SLC25A4: variants seen among roughly 807,000 people sequenced by gnomAD.
SLC25A4 encodes the protein ADP/ATP translocase 1.
SLC25A4 carries 10 observed loss-of-function variants against 24.7 expected under a neutral mutation model. That is an observed-to-expected ratio of 0.41 (90% CI 0.25 to 0.69). SLC25A4 has a LOEUF of 0.69. Ranked by LOEUF, SLC25A4 falls within the 30% of genes least tolerant of loss-of-function variation. The pLI is 0.35. For missense variants in SLC25A4, 273 were observed against 387.6 expected, an observed-to-expected ratio of 0.70 and a Z score of 2.48; for synonymous variants, 125 against 153.3, an observed-to-expected ratio of 0.82 and a Z score of 1.36.
chr4:185,143,297 G>T lies in SLC25A4; in HGVS notation c.-76G>T, dbSNP rs2111283706. 2 of 837,692 alleles carry T rather than the reference G, an allele frequency of 2.4e-6. No individual in the cohort carries two copies. The highest frequency in any genetic ancestry group is 2.5e-4 in the Middle Eastern group (1 of 3,966). The allele number at this position is 837,692 out of a possible 1,614,324, so 51.9% of individuals were successfully genotyped here. A position where few individuals can be genotyped will look rare whatever the true frequency, so the allele number is the denominator to read the frequency against. On this transcript the variant is annotated 5_prime_UTR_variant, in exon 1 of 4. Transcript: ENST00000281456. Reference sequence around the variant, plus strand: ...CTAGCGTCGCGCAGGGTCGGGGACTGCGCGGCGGTGCCAGGCCGGGCGTGG... The same window carrying T: ...CTAGCGTCGCGCAGGGTCGGGGACTTCGCGGCGGTGCCAGGCCGGGCGTGG...
rs1160015603 is a variant in SLC25A4, at chr4:185,145,891, G to A, written c.731G>A (p.Arg244Gln). Residue 244 changes from arginine (R) to glutamine (Q), a missense_variant, in exon 3 of 4, where the codon CGG becomes CAG. Physicochemically the swap from Arg to Gln is conservative, Grantham distance 43 (BLOSUM62 1). Coordinates refer to ENST00000281456, the MANE Select transcript of SLC25A4 (RefSeq NM_001151.4). This position sits in a 1 kb window ranked among gnomAD's most constrained non-coding sequence, Gnocchi z 5.5. The stretch of plus-strand genomic sequence containing the variant: ...CGTAGAATGATGATGCAGTCCGGCC[G>A]GAAAGGGGGTAAGCTTGTGCTCTAC... ...VRRRMMMQSGRKGADIMYTGT... is the reference protein window; with the variant it reads ...VRRRMMMQSGQKGADIMYTGT... 1.2e-5 allele frequency: 20 copies of A among 1,613,968 alleles called. No individual in the cohort carries two copies. Among genetic ancestry groups the A allele is most frequent in the Non-Finnish European group, 1.6e-5 (19 of 1,180,012 alleles).
rs982562599 is a variant in SLC25A4 at position 185,149,912 on chromosome 4, A to C, written c.*2941A>C. 1 of 152,244 alleles carries C rather than the reference A, an allele frequency of 6.6e-6. No homozygotes were observed. The highest frequency in any genetic ancestry group is 2.1e-4 in the South Asian group (1 of 4,834). The allele number at this position is 152,244 out of a possible 1,614,324, so 9.4% of individuals were successfully genotyped here. On this transcript the variant is annotated 3_prime_UTR_variant, in exon 4 of 4. Transcript: ENST00000281456. ...ATGATGCAAGATGAGTGAGTCCATA[A>C]TGGTAATAATTGGACACTAAAAACA...
chr4:185,145,613 G>A lies in SLC25A4; in HGVS notation c.599-146G>A, dbSNP rs1300559440. On this transcript the variant is annotated intron_variant, in intron 2 of 3. Coordinates refer to ENST00000281456, the MANE Select transcript of SLC25A4 (RefSeq NM_001151.4). The surrounding 1 kb of genome is among the most constrained non-coding windows in gnomAD (Gnocchi z 5.5). ...CAGCAGCCACCTTTGCTGTCTGCCT[G>A]GTCATATGTGAAGCACCTGCACAGG... 1.0e-5 allele frequency: 10 copies of A among 976,964 alleles called. No homozygotes were observed. The highest frequency in any genetic ancestry group is 1.5e-5 in the Non-Finnish European group (10 of 654,060). The allele number at this position is 976,964 out of a possible 1,614,324, so 60.5% of individuals were successfully genotyped here.
intron 3 of SLC25A4, 138 bp downstream of exon 3, chr4:185,146,037 T>A: frequency 2.0e-6 from 2 of 1,012,034 alleles, no homozygotes; most frequent in Non-Finnish European, 3.0e-6. Context: ...AAGATGGTAT[T>A]AATTCCCCCT....
chr4:185,144,651 C>T (rs1734404601), intron 1 of SLC25A4, 113 bp from the exon 2 acceptor site: 1 of 972,102 alleles, frequency 1.0e-6, no homozygotes, highest in South Asian at 1.4e-5. Flanking sequence ...ATTTCCTCAT[C>T]CTTTTTTTCT....
At chr4:185,146,408 G>A (rs1734443878) in intron 3 of SLC25A4, among the ~76,000 whole-genome samples, 1 of 152,198 alleles carries the variant, frequency 6.6e-6, no homozygotes, top group African/African-American at 2.4e-5. Flanking sequence ...AGTTTCGTAT[G>A]TTTCAACGAA....
intron 1 of SLC25A4, 84 bp downstream of exon 1, chr4:185,143,567 G>T: frequency 2.6e-6 from 1 of 388,892 alleles, no homozygotes; most frequent in African/African-American, 2.2e-5. Context: ...GCAGGGCGCG[G>T]GGCGCCGCGG....
At position 185,143,424 on chromosome 4, in the gene SLC25A4, G is replaced by T. The variant is rs1343441847; in HGVS notation, c.52G>T (p.Ala18Ser). 6.6e-7 allele frequency: 1 copy of T among 1,523,970 alleles called. No homozygotes were observed. Among genetic ancestry groups the T allele is most frequent in the Non-Finnish European group, 8.8e-7 (1 of 1,133,072 alleles). 94.4% of individuals were successfully genotyped at this position (1,523,970 alleles called of 1,614,324 possible). A position where few individuals can be genotyped will look rare whatever the true frequency, so the allele number is the denominator to read the frequency against. ...FLKDFLAGGVAAAVSKTAVAP... is the reference protein window; with the variant it reads ...FLKDFLAGGVSAAVSKTAVAP... ...AAAGGACTTCCTGGCCGGGGGCGTC[G>T]CCGCTGCCGTCTCCAAGACCGCGGT... Residue 18 changes from alanine to serine, a missense_variant, in exon 1 of 4, where the codon GCC becomes TCC. Physicochemically the swap from Ala to Ser is moderately conservative, Grantham distance 99. Coordinates refer to ENST00000281456, the MANE Select transcript of SLC25A4 (RefSeq NM_001151.4).
chr4:185,145,726 C>T lies in SLC25A4; in HGVS notation c.599-33C>T, dbSNP rs373060742. 3.1e-6 allele frequency: 5 copies of T among 1,613,840 alleles called. No individual in the cohort carries two copies. The African/African-American group carries it at 6.7e-5, about 22-fold the overall frequency. ...TGCTTTCTGCTGAGAACAGGCACTT[C>T]ATAGCCGTTCGGCTTCTGGGCTCTG... is the stretch of plus-strand genomic sequence containing the variant. On this transcript the variant is annotated intron_variant, in intron 2 of 3. Transcript: ENST00000281456. This position sits in a 1 kb window ranked among gnomAD's most constrained non-coding sequence, Gnocchi z 5.5.
In SLC25A4 at chr4:185,147,396, T is replaced by C. The variant is rs1345254463; in HGVS notation, c.*425T>C. ...AAGCTTCTAAATGCCAGATATTATA[T>C]TGAGAATGTATTATATGAGAACGTA... On this transcript the variant is annotated 3_prime_UTR_variant, in exon 4 of 4. Transcript: ENST00000281456. The C allele has an allele frequency of 1.9e-5, 4 of 206,652 alleles. No homozygotes were observed. Among genetic ancestry groups the C allele is most frequent in the East Asian group, 1.2e-4 (1 of 8,118 alleles). The allele number at this position is 206,652 out of a possible 1,614,324, so 12.8% of individuals were successfully genotyped here.
rs1369557463 is a variant in SLC25A4, at chr4:185,149,975, AT to A, written c.*3006del. The A allele has an allele frequency of 6.6e-6, 1 of 152,270 alleles. No homozygotes were observed. The allele number at this position is 152,270 out of a possible 1,614,324, so 9.4% of individuals were successfully genotyped here. On this transcript the variant is annotated 3_prime_UTR_variant, in exon 4 of 4. Transcript: ENST00000281456. ...CTCAAGTATTTGTGTTGAAATCTCA[AT>A]TAACTGGGCGACTGCTCCCGTTCCA...
chr4:185,147,241 T>A lies in SLC25A4; in HGVS notation c.*270T>A. ...AACTGAAGAATTGATAATAACTGAA[T>A]GTGAAACATCAATAAAGACCACTTA... On this transcript the variant is annotated 3_prime_UTR_variant, in exon 4 of 4. Transcript: ENST00000281456. The A allele has an allele frequency of 2.6e-6, 1 of 381,986 alleles. No homozygotes were observed. Among genetic ancestry groups the A allele is most frequent in the Non-Finnish European group, 4.8e-6 (1 of 209,750 alleles). 23.7% of individuals were successfully genotyped at this position (381,986 alleles called of 1,614,324 possible).
chr4:185,143,589 C>A, intron 1 of SLC25A4, 106 bp downstream of exon 1: 1 of 235,150 alleles, frequency 4.3e-6, no homozygotes, highest in Non-Finnish European at 6.9e-6. Flanking sequence ...AAATCTGCGC[C>A]AGGCCACAGG....
intron 1 of SLC25A4, 129 bp from the exon 2 acceptor site, chr4:185,144,635 C>T: frequency 1.2e-6 from 1 of 814,908 alleles, no homozygotes; most frequent in South Asian, 1.5e-5. Context: ...CCTCAGTATC[C>T]ATTTGATTTC....
chr4:185,145,282 G>A lies in SLC25A4; in HGVS notation c.598+32G>A. The A allele has an allele frequency of 6.2e-7, 1 of 1,613,194 alleles. No individual in the cohort carries two copies. Among genetic ancestry groups the A allele is most frequent in the Non-Finnish European group, 8.5e-7 (1 of 1,180,028 alleles). On this transcript the variant is annotated intron_variant, in intron 2 of 3. Transcript: ENST00000281456. The surrounding 1 kb of genome is among the most constrained non-coding windows in gnomAD (Gnocchi z 5.5). ...GAGGGGCATCGGGGAGAAGGAGGGT[G>A]GTGTGGAAAGAGGATCCTATGGGAT... is the stretch of plus-strand genomic sequence containing the variant.
chr4:185,147,137 A>G lies in SLC25A4; in HGVS notation c.*166A>G. ...AGATGCTTCATTGAGTGTTCATTAA[A>G]CCACACATGTATTTTGTATTTATTT... On this transcript the variant is annotated 3_prime_UTR_variant, in exon 4 of 4. Transcript: ENST00000281456. 1 of 604,490 alleles carries G rather than the reference A, an allele frequency of 1.7e-6. No homozygotes were observed. The highest frequency in any genetic ancestry group is 2.9e-6 in the Non-Finnish European group (1 of 343,142). The allele number at this position is 604,490 out of a possible 1,614,324, so 37.4% of individuals were successfully genotyped here. A position where few individuals can be genotyped will look rare whatever the true frequency, so the allele number is the denominator to read the frequency against.
chr4:185,146,536 C>T (rs756305083), intron 3 of SLC25A4, among the ~76,000 whole-genome samples: 3 of 152,314 alleles, frequency 2.0e-5, no homozygotes, highest in African/African-American at 4.8e-5. Context: ...TGCTCCACTG[C>T]GCCCTTCTTG....
rs1052549725 is a variant in SLC25A4, at chr4:185,150,067, G to A, written c.*3096G>A. On this transcript the variant is annotated 3_prime_UTR_variant, in exon 4 of 4. Coordinates refer to ENST00000281456, the MANE Select transcript of SLC25A4 (RefSeq NM_001151.4). ...GGCATTTACTAAACACCCCCAAGGT[G>A]CAAGGCTGCAAGAGAATCGAGCGCC... 2 of 152,288 alleles carry A rather than the reference G, an allele frequency of 1.3e-5. No homozygotes were observed. Among genetic ancestry groups the A allele is most frequent in the African/African-American group, 2.4e-5 (1 of 41,478 alleles). 9.4% of individuals were successfully genotyped at this position (152,288 alleles called of 1,614,324 possible). A position where few individuals can be genotyped will look rare whatever the true frequency, so the allele number is the denominator to read the frequency against.
chr4:185,145,846 AC>A lies in SLC25A4; in HGVS notation c.690del (p.Phe231LeufsTer8), dbSNP rs916066148. 3.1e-6 allele frequency: 5 copies of A among 1,613,894 alleles called. No individual in the cohort carries two copies. The African/African-American group carries it at 6.7e-5, about 22-fold the overall frequency. ...ACGGCAGTCGCAGGGCTGGTGTCCT[AC>A]CCCTTTGACACTGTTCGTCGTAGAA... ...SVTAVAGLVS[Y>X]PFDTVRRRMM... is the part of the protein sequence containing the mutation. On this transcript the variant is annotated frameshift_variant, in exon 3 of 4. Transcript: ENST00000281456. LOFTEE classifies it high-confidence loss of function. The surrounding 1 kb of genome is among the most constrained non-coding windows in gnomAD (Gnocchi z 5.5).
Sources: gnomAD v4.1 joint callset for allele counts (sites outside exome capture counted in the v4.1 genomes callset) on GRCh38, gnomAD v4.1.1 for gene constraint, Gnocchi (gnomAD v3.1) non-coding constraint, MANE v1.5 for transcripts, NCBI Gene and HGNC (gene_info 2026-07-23, HGNC 2026-07-21) for gene names.